Variants in NPAS3 observed in about 807,000 individuals in gnomAD.
NPAS3 encodes the protein neuronal PAS domain protein 3.
A neutral mutation model predicts 73.1 loss-of-function variants in NPAS3; 14 were observed. That is an observed-to-expected ratio of 0.19 (90% CI 0.13 to 0.30). The LOEUF (loss-of-function observed/expected upper bound fraction) is 0.30. NPAS3 is among the 10% of genes least tolerant of loss of function. The probability of loss-of-function intolerance (pLI) is 1.00; values close to 1 mark genes in which losing one functional copy is unlikely to be tolerated. For synonymous variants in NPAS3, 620 were observed against 541.5 expected (o/e 1.14, Z -2.01); for missense variants, 1,096 against 1,250.0 (o/e 0.88, Z 1.86).
chr14:33,203,695 G>A (rs1400777551), intron 2 of NPAS3, among the ~76,000 whole-genome samples: 1 of 152,100 alleles, frequency 6.6e-6, no homozygotes, highest in African/African-American at 2.4e-5. Flanking sequence ...GTGTATATGT[G>A]CCACATTTTC....
At chr14:33,736,076 C>A (rs868485465) in intron 7 of NPAS3, among the ~76,000 whole-genome samples, 43 of 152,174 alleles carry the variant, frequency 2.8e-4, no homozygotes, top group Admixed American at 7.9e-4. Flanking sequence ...ACACACTAAC[C>A]AATCTCAAAC....
chr14:33,209,606 C>G (rs117189300), intron 2 of NPAS3, among the ~76,000 whole-genome samples: 1 of 152,072 alleles, frequency 6.6e-6, no homozygotes, highest in Non-Finnish European at 1.5e-5. Context: ...TAATACAGGT[C>G]GACCTTCTTC....
chr14:33,068,365 T>C (rs2041354443), intron 2 of NPAS3, among the ~76,000 whole-genome samples: 2 of 152,210 alleles, frequency 1.3e-5, no homozygotes, highest in South Asian at 4.1e-4. Flanking sequence ...GCACAACACA[T>C]GCACTAAGTC....
intron 4 of NPAS3, among the ~76,000 whole-genome samples, chr14:33,549,099 A>T (rs1279424191): frequency 2.0e-5 from 3 of 152,164 alleles, no homozygotes; most frequent in African/African-American, 7.2e-5. Flanking sequence ...AAAAATGACC[A>T]TCCAGTGACA....
At chr14:33,284,895 A>T (rs962045830) in intron 3 of NPAS3, among the ~76,000 whole-genome samples, 4 of 152,200 alleles carry the variant, frequency 2.6e-5, no homozygotes, top group African/African-American at 9.6e-5. Context: ...TATAGAGGTG[A>T]AGTACCCCGC....
intron 4 of NPAS3, among the ~76,000 whole-genome samples, chr14:33,441,108 G>A (rs1160247021): frequency 2.6e-5 from 4 of 152,170 alleles, no homozygotes; most frequent in Admixed American, 1.3e-4. Flanking sequence ...ACTTCAATGT[G>A]CACCAGAAGA....
intron 4 of NPAS3, among the ~76,000 whole-genome samples, chr14:33,463,520 A>T (rs1184384624): frequency 6.6e-6 from 1 of 152,126 alleles, no homozygotes; most frequent in Admixed American, 6.5e-5. Context: ...ATTTATACTT[A>T]AACAGCTCTA....
intron 2 of NPAS3, among the ~76,000 whole-genome samples, chr14:33,177,071 T>TTATTATTA (rs2045614827): frequency 0.023 from 3,163 of 138,302 alleles, 42 homozygotes; most frequent in East Asian, 0.076. Context: ...TGTTTATCTT[T>TTATTATTA]TTATTATTAT....
intron 4 of NPAS3, among the ~76,000 whole-genome samples, chr14:33,413,224 A>G (rs1372508610): frequency 1.3e-5 from 2 of 150,520 alleles, no homozygotes; most frequent in East Asian, 3.9e-4. Context: ...TTACTGTTGT[A>G]CTCAGATATG....
chr14:33,146,357 C>T (rs555836163), intron 2 of NPAS3, among the ~76,000 whole-genome samples: 1 of 152,168 alleles, frequency 6.6e-6, no homozygotes, highest in Non-Finnish European at 1.5e-5. Context: ...AAGCTCTGAG[C>T]CTGAGTGTCA....
intron 4 of NPAS3, among the ~76,000 whole-genome samples, chr14:33,495,486 G>C (rs909218486): frequency 6.6e-6 from 1 of 152,034 alleles, no homozygotes; most frequent in African/African-American, 2.4e-5. Flanking sequence ...ATGTCTACTA[G>C]ATCCTCTTGG....
intron 5 of NPAS3, among the ~76,000 whole-genome samples, chr14:33,619,041 T>A (rs2058005094): frequency 6.6e-6 from 1 of 152,216 alleles, no homozygotes; most frequent in Non-Finnish European, 1.5e-5. Flanking sequence ...GTAGGCTTAA[T>A]TTCTTTTTTA....
chr14:33,194,670 G>A (rs958118842), intron 2 of NPAS3, among the ~76,000 whole-genome samples: 2 of 152,062 alleles, frequency 1.3e-5, no homozygotes, highest in Admixed American at 6.5e-5. Context: ...ATTCGATTAC[G>A]TGTCAATGAG....
rs553942521 is a variant in NPAS3 at position 33,680,962 on chromosome 14, T to C, written c.733+4577T>C. ...TTTTTATGCTATTATACTTACGCTA[T>C]GTCCCGAATGTTTTTAAGGCCAGCA... On this transcript the variant is annotated intron_variant, in intron 6 of 11. Transcript: ENST00000356141. 4 of 268,288 alleles carry C rather than the reference T, an allele frequency of 1.5e-5. No individual in the cohort carries two copies. In the East Asian group the frequency reaches 3.0e-4, roughly 20 times the overall value. 16.6% of individuals were successfully genotyped at this position (268,288 alleles called of 1,614,324 possible).
At chr14:33,789,799 C>T (rs7155643) in intron 9 of NPAS3, among the ~76,000 whole-genome samples, 58,754 of 150,466 alleles carry the variant, frequency 0.39, 11,808 homozygotes, top group East Asian at 0.58. Flanking sequence ...CCGTTTTAGC[C>T]GGGATGGTCT....
intron 5 of NPAS3, among the ~76,000 whole-genome samples, chr14:33,624,583 T>C (rs950684782): frequency 9.2e-5 from 14 of 151,362 alleles, no homozygotes; most frequent in Admixed American, 2.0e-4. Flanking sequence ...TTTTTTTTTT[T>C]CATTCTATTA....
chr14:33,381,591 AT>A (rs1286283815), intron 4 of NPAS3, among the ~76,000 whole-genome samples: 2 of 152,182 alleles, frequency 1.3e-5, no homozygotes, highest in Non-Finnish European at 2.9e-5. Context: ...TCCCATGGCT[AT>A]TAGTAACTAG....
At chr14:33,617,109 G>C (rs1351680018) in intron 5 of NPAS3, among the ~76,000 whole-genome samples, 7 of 152,144 alleles carry the variant, frequency 4.6e-5, no homozygotes, top group African/African-American at 1.7e-4. Context: ...ACTAGTCCAG[G>C]CACCTTAGAA....
intron 9 of NPAS3, among the ~76,000 whole-genome samples, chr14:33,793,311 A>G (rs2063417142): frequency 6.6e-6 from 1 of 152,202 alleles, no homozygotes; most frequent in African/African-American, 2.4e-5. Flanking sequence ...TCCAACATTC[A>G]GCGAAGTCTC....
Sources: gnomAD v4.1 joint callset for allele counts (sites outside exome capture counted in the v4.1 genomes callset) on GRCh38, gnomAD v4.1.1 for gene constraint, MANE v1.5 for transcripts, NCBI Gene and HGNC (gene_info 2026-07-23, HGNC 2026-07-21) for gene names.